NACC2: variants seen among roughly 807,000 people sequenced by gnomAD.
NACC2 encodes nucleus accumbens-associated protein 2.
Under a neutral mutation model 25.1 loss-of-function variants are expected in NACC2, and 8 were observed. That is an observed-to-expected ratio of 0.32 (90% CI 0.19 to 0.57). The LOEUF (loss-of-function observed/expected upper bound fraction) is 0.57. Among genes scored for constraint, NACC2 ranks in the 20% least tolerant of loss-of-function variants. NACC2 has a pLI of 0.89. For missense variants in NACC2, 644 were observed against 650.2 expected, an observed-to-expected ratio of 0.99 and a Z score of 0.10; for synonymous variants, 435 against 294.7, an observed-to-expected ratio of 1.48 and a Z score of -4.88.
At chr9:136,080,680 C>T (rs546402681) in intron 1 of NACC2, among the ~76,000 whole-genome samples, 3 of 152,320 alleles carry the variant, frequency 2.0e-5, no homozygotes, top group Admixed American at 2.0e-4. Flanking sequence ...GGAGCTCTTG[C>T]TTATCTGATT....
At position 136,014,048 on chromosome 9, in the gene NACC2, G is replaced by A. The variant is rs540818698; in HGVS notation, c.1052-79C>T. On this transcript the variant is annotated intron_variant, in intron 3 of 5. Coordinates refer to ENST00000277554, the MANE Select transcript of NACC2 (RefSeq NM_144653.5). ...GAAGAGGCGCACAGATGGGTGAGGG[G>A]GAGGGGGGGAGGTGGAGGGGGAGGA... is the stretch of plus-strand genomic sequence containing the variant. 3 of 720,406 alleles carry A rather than the reference G, an allele frequency of 4.2e-6. No individual in the cohort carries two copies. The South Asian group carries it at 5.5e-5, about 13-fold the overall frequency. The allele number at this position is 720,406 out of a possible 1,614,324, so 44.6% of individuals were successfully genotyped here. A position where few individuals can be genotyped will look rare whatever the true frequency, so the allele number is the denominator to read the frequency against.
At chr9:136,092,580 C>G (rs1830444336) in intron 1 of NACC2, among the ~76,000 whole-genome samples, 1 of 152,208 alleles carries the variant, frequency 6.6e-6, no homozygotes, top group Admixed American at 6.5e-5. Flanking sequence ...AAATGTCACC[C>G]TGAAGTGGAA....
chr9:136,046,336 T>TAAA (rs1840724506), intron 2 of NACC2, among the ~76,000 whole-genome samples: 1 of 152,186 alleles, frequency 6.6e-6, no homozygotes, highest in South Asian at 2.1e-4. Flanking sequence ...CACTGGGCGT[T>TAAA]TCCCTTCCGG....
At chr9:136,041,432 A>AG (rs1840631325) in intron 2 of NACC2, among the ~76,000 whole-genome samples, 1 of 152,000 alleles carries the variant, frequency 6.6e-6, no homozygotes, top group African/African-American at 2.4e-5. Flanking sequence ...AAAAAAAAAA[A>AG]GAAATAAAGA....
chr9:136,023,851 A>G (rs781382111), intron 2 of NACC2, among the ~76,000 whole-genome samples: 1 of 152,274 alleles, frequency 6.6e-6, no homozygotes, highest in African/African-American at 2.4e-5. Context: ...AAGGACGACC[A>G]GGACACTAAG....
intron 1 of NACC2, among the ~76,000 whole-genome samples, chr9:136,093,373 G>C (rs529542312): frequency 6.6e-6 from 1 of 152,216 alleles, no homozygotes; most frequent in Admixed American, 6.5e-5. Flanking sequence ...GGGCAGAGCA[G>C]CCCTGCGAAC....
At chr9:136,088,897 G>A (rs548704307) in intron 1 of NACC2, among the ~76,000 whole-genome samples, 120 of 152,340 alleles carry the variant, frequency 7.9e-4, no homozygotes, top group African/African-American at 2.6e-3. Context: ...AAGGTTTCCC[G>A]GAGGAGACAG....
At position 136,009,376 on chromosome 9, in the gene NACC2, T is replaced by C. The variant is rs1427832979; in HGVS notation, c.*2140A>G. The C allele has an allele frequency of 2.0e-5, 3 of 152,244 alleles. No individual in the cohort carries two copies. The allele number at this position is 152,244 out of a possible 1,614,324, so 9.4% of individuals were successfully genotyped here. ...AGGCTCCCTCTAGGCTGGGTGGTTCTTAGTTCAGCAGAAGGTCTGGATGCC... is the reference window on the plus strand; with the variant it reads ...AGGCTCCCTCTAGGCTGGGTGGTTCCTAGTTCAGCAGAAGGTCTGGATGCC... On this transcript the variant is annotated 3_prime_UTR_variant, in exon 6 of 6. Transcript: ENST00000277554.
intron 2 of NACC2, among the ~76,000 whole-genome samples, chr9:136,031,963 T>C (rs571870270): frequency 5.6e-5 from 8 of 142,250 alleles, no homozygotes; most frequent in Non-Finnish European, 7.4e-5. Flanking sequence ...TTCCCGATGC[T>C]AGGGCCTGGT....
rs1840262180 is a variant in NACC2 at position 136,019,816 on chromosome 9, C to T, written c.887-3387G>A. On this transcript the variant is annotated intron_variant, in intron 2 of 5. Transcript: ENST00000277554. The surrounding 1 kb of genome is among the most constrained non-coding windows in gnomAD (Gnocchi z 5.2). ...GGAGCCCCCGCCGTACCTTCCAGGC[C>T]CTTCTGCTCCCAGCCGGGCGACACC... Among the ~76,000 whole-genome samples, 1 of 152,152 alleles carries T rather than the reference C, an allele frequency of 6.6e-6. No individual in the cohort carries two copies. The highest frequency in any genetic ancestry group is 2.4e-5 in the African/African-American group (1 of 41,422).
At position 136,020,088 on chromosome 9, in the gene NACC2, A is replaced by G. The variant is rs1290832460; in HGVS notation, c.887-3659T>C. Among the ~76,000 whole-genome samples, 3 of 152,160 alleles carry G rather than the reference A, an allele frequency of 2.0e-5. No individual in the cohort carries two copies. The highest frequency in any genetic ancestry group is 4.8e-5 in the African/African-American group (2 of 41,420). ...GGAGCCGATGGCAGTGATGCTCACAAAACAGTGGGAATGCGCTTAGCATCA... is the reference window on the plus strand; with the variant it reads ...GGAGCCGATGGCAGTGATGCTCACAGAACAGTGGGAATGCGCTTAGCATCA... On this transcript the variant is annotated intron_variant, in intron 2 of 5. Coordinates refer to ENST00000277554, the MANE Select transcript of NACC2 (RefSeq NM_144653.5). The surrounding 1 kb of genome is among the most constrained non-coding windows in gnomAD (Gnocchi z 4.7).
At chr9:136,042,699 CACACAG>C (rs1255782904) in intron 2 of NACC2, among the ~76,000 whole-genome samples, 7 of 151,630 alleles carry the variant, frequency 4.6e-5, no homozygotes, top group African/African-American at 1.5e-4. Context: ...CACAGACACA[CACACAG>C]ACACAGAGAC....
At chr9:136,053,378 A>G (rs1209468564) in intron 1 of NACC2, among the ~76,000 whole-genome samples, 1 of 152,172 alleles carries the variant, frequency 6.6e-6, no homozygotes, top group Non-Finnish European at 1.5e-5. Flanking sequence ...TGCCTCCTAC[A>G]AGGGGCTGGT....
intron 2 of NACC2, among the ~76,000 whole-genome samples, chr9:136,047,728 G>A (rs1840751606): frequency 6.6e-6 from 1 of 152,144 alleles, no homozygotes. Flanking sequence ...GGACTCCACA[G>A]AGCCGCTTCC....
chr9:136,082,191 C>A, intron 1 of NACC2, among the ~76,000 whole-genome samples: 1 of 152,300 alleles, frequency 6.6e-6, no homozygotes, highest in South Asian at 2.1e-4. Flanking sequence ...CTGAGGGATG[C>A]CCCCTCTGCC....
intron 1 of NACC2, among the ~76,000 whole-genome samples, chr9:136,061,156 G>T (rs11103299): frequency 0.12 from 18,941 of 152,156 alleles, 1,493 homozygotes; most frequent in East Asian, 0.38. Flanking sequence ...CCCCATCCGG[G>T]TCTGCACAGC....
intron 3 of NACC2, among the ~76,000 whole-genome samples, chr9:136,014,431 A>G (rs534237508): frequency 6.6e-6 from 1 of 152,244 alleles, no homozygotes; most frequent in African/African-American, 2.4e-5. Flanking sequence ...CAGCCCCCTG[A>G]GTAGCCGGGA....
intron 2 of NACC2, among the ~76,000 whole-genome samples, chr9:136,021,438 C>G (rs1190279399): frequency 6.6e-6 from 1 of 152,144 alleles, no homozygotes; most frequent in Non-Finnish European, 1.5e-5. Flanking sequence ...TGCGGCGAAA[C>G]ATAAAAACAC....
intron 1 of NACC2, among the ~76,000 whole-genome samples, chr9:136,052,116 G>A (rs1192843525): frequency 2.6e-5 from 4 of 152,176 alleles, no homozygotes; most frequent in African/African-American, 9.6e-5. Context: ...TCCCAGCCCC[G>A]GCTTTAAAAA....
Sources: allele counts gnomAD v4.1 joint callset (sites outside exome capture counted in the v4.1 genomes callset), GRCh38; gene constraint gnomAD v4.1.1; non-coding constraint Gnocchi (gnomAD v3.1); transcripts MANE v1.5; gene names NCBI Gene and HGNC (gene_info 2026-07-23, HGNC 2026-07-21).